Variants in LARGE1 observed in about 807,000 individuals in gnomAD.
The protein encoded by LARGE1 is LARGE xylosyl- and glucuronyltransferase 1.
A neutral mutation model predicts 87.6 loss-of-function variants in LARGE1; 43 were observed. That is an observed-to-expected ratio of 0.49 (90% confidence interval 0.38 to 0.63). The LOEUF (loss-of-function observed/expected upper bound fraction) is 0.63, where lower values mean the gene tolerates loss of function less well. Among genes scored for constraint, LARGE1 ranks in the 30% least tolerant of loss-of-function variants. The pLI is 0.00. For missense variants in LARGE1, 802 were observed against 1,000.2 expected, an observed-to-expected ratio of 0.80 and a Z score of 2.67; for synonymous variants, 434 against 394.6, an observed-to-expected ratio of 1.10 and a Z score of -1.18.
intron 10 of LARGE1, among the ~76,000 whole-genome samples, chr22:33,332,635 C>G (rs149971381): frequency 3.3e-5 from 5 of 152,294 alleles, no homozygotes; most frequent in Non-Finnish European, 7.3e-5. Flanking sequence ...TGACCTCTTC[C>G]CACAGAGCTG....
intron 12 of LARGE1, among the ~76,000 whole-genome samples, chr22:33,301,267 C>T (rs776438420): frequency 3.3e-5 from 5 of 152,130 alleles, no homozygotes; most frequent in Non-Finnish European, 4.4e-5. Flanking sequence ...TTATTTGGGG[C>T]TTCCGAGAGA....
chr22:33,324,131 C>T (rs9609764), intron 10 of LARGE1, among the ~76,000 whole-genome samples: 10 of 140,734 alleles, frequency 7.1e-5, no homozygotes, highest in Admixed American at 7.0e-4. Context: ...ACTCGGGAGG[C>T]TAAGGCAGAA....
chr22:33,857,749 C>G (rs959069729), intron 1 of LARGE1, among the ~76,000 whole-genome samples: 3 of 152,190 alleles, frequency 2.0e-5, no homozygotes, highest in Non-Finnish European at 4.4e-5. Flanking sequence ...ACAACAGATG[C>G]TGGAGAGGAA....
At chr22:33,329,139 A>C (rs1937490187) in intron 10 of LARGE1, among the ~76,000 whole-genome samples, 1 of 152,176 alleles carries the variant, frequency 6.6e-6, no homozygotes, top group Admixed American at 6.5e-5. Flanking sequence ...TATCACTAGG[A>C]GGCTAGGAGA....
At chr22:33,890,264 T>C (rs1199011051) in intron 1 of LARGE1, among the ~76,000 whole-genome samples, 4 of 152,246 alleles carry the variant, frequency 2.6e-5, no homozygotes, top group Admixed American at 6.5e-5. Context: ...ATGCCTCAGA[T>C]GCAAGGCGGG....
At chr22:33,673,958 G>C (rs554451150) in intron 2 of LARGE1, among the ~76,000 whole-genome samples, 7 of 130,702 alleles carry the variant, frequency 5.4e-5, no homozygotes, top group Non-Finnish European at 9.6e-5. Flanking sequence ...ACACGACCAC[G>C]CCCAGCTAAT....
At chr22:33,804,455 C>G (rs2086251391) in intron 1 of LARGE1, among the ~76,000 whole-genome samples, 1 of 152,170 alleles carries the variant, frequency 6.6e-6, no homozygotes, top group Non-Finnish European at 1.5e-5. Context: ...CTTCTGAATA[C>G]AAAGCAATTT....
At chr22:33,074,383 T>C in the LARGE1 span, among the ~76,000 whole-genome samples, 1 of 152,060 alleles carries the variant, frequency 6.6e-6, no homozygotes, top group Admixed American at 6.6e-5. Context: ...TATGTAAAAG[T>C]CATTGTTCCG....
chr22:33,806,827 A>T (rs5754684), intron 1 of LARGE1, among the ~76,000 whole-genome samples: 134,951 of 152,166 alleles, frequency 0.89, 60,007 homozygotes, highest in East Asian at 0.97. Flanking sequence ...CTGGCCAACA[A>T]GGTGAAAACC....
chr22:33,236,728 C>G (rs933151246), intron 11 of LARGE1, among the ~76,000 whole-genome samples: 2 of 152,178 alleles, frequency 1.3e-5, no homozygotes, highest in Admixed American at 6.5e-5. Context: ...CTGCTCCTCT[C>G]CATGCTCCTT....
At position 33,372,838 on chromosome 22, in the gene LARGE1, T is replaced by C. The variant is rs1473422037; in HGVS notation, c.1131+9081A>G. Among the ~76,000 whole-genome samples the C allele has an allele frequency of 4.6e-5, 7 of 152,248 alleles. No individual in the cohort carries two copies. In the East Asian group the frequency reaches 1.4e-3, roughly 29 times the overall value. On this transcript the variant is annotated intron_variant, in intron 9 of 14. Coordinates refer to ENST00000397394, the MANE Select transcript of LARGE1 (RefSeq NM_133642.5). ...TCCAGTTCAGAGGTTACTTAAAGGT[T>C]GCCTCGAAAAGTATATTTAGAATGG...
At chr22:33,530,972 G>A (rs2072169655) in intron 6 of LARGE1, among the ~76,000 whole-genome samples, 1 of 152,154 alleles carries the variant, frequency 6.6e-6, no homozygotes, top group South Asian at 2.1e-4. Context: ...CATTCAATGT[G>A]GACAGGGCAC....
At chr22:33,698,158 T>C (rs536044911) in intron 2 of LARGE1, among the ~76,000 whole-genome samples, 28 of 152,210 alleles carry the variant, frequency 1.8e-4, no homozygotes, top group African/African-American at 6.0e-4. Context: ...CTGCAACCTC[T>C]CTCTCCAAGG....
intron 11 of LARGE1, among the ~76,000 whole-genome samples, chr22:33,237,694 A>C (rs993713585): frequency 1.2e-4 from 18 of 152,234 alleles, no homozygotes; most frequent in African/African-American, 4.3e-4. Flanking sequence ...CCATGCTAGC[A>C]GGGGAAGAGC....
chr22:33,164,092 G>T (rs1483578343), exon 12 of LARGE1: 1 of 152,168 alleles, frequency 6.6e-6, no homozygotes, highest in Non-Finnish European at 1.5e-5. Flanking sequence ...GGAGAGCATG[G>T]ATATGACCAA....
At chr22:33,169,184 G>C (rs1354185070) in intron 11 of LARGE1, among the ~76,000 whole-genome samples, 1 of 152,174 alleles carries the variant, frequency 6.6e-6, no homozygotes, top group African/African-American at 2.4e-5. Context: ...TTAAAAATCT[G>C]TCCTGTTACA....
chr22:33,208,150 A>G (rs1924776843), intron 11 of LARGE1, among the ~76,000 whole-genome samples: 1 of 152,100 alleles, frequency 6.6e-6, no homozygotes, highest in Non-Finnish European at 1.5e-5. Flanking sequence ...ACGTCTATTT[A>G]CCATCTTATT....
At chr22:33,903,645 T>G (rs1424853186) in intron 1 of LARGE1, among the ~76,000 whole-genome samples, 3 of 151,868 alleles carry the variant, frequency 2.0e-5, no homozygotes, top group African/African-American at 7.3e-5. Flanking sequence ...GCCAACATGG[T>G]GAAACCCTGT....
At chr22:33,173,321 C>G (rs1922680572) in intron 11 of LARGE1, among the ~76,000 whole-genome samples, 2 of 152,226 alleles carry the variant, frequency 1.3e-5, no homozygotes, top group Non-Finnish European at 2.9e-5. Context: ...TTGTCACCAC[C>G]AAGCCTGCCT....
Sources: gnomAD v4.1 joint callset for allele counts (sites outside exome capture counted in the v4.1 genomes callset) on GRCh38, gnomAD v4.1.1 for gene constraint, MANE v1.5 for transcripts, NCBI Gene and HGNC (gene_info 2026-07-23, HGNC 2026-07-21) for gene names.